The following GXYLT1 variants were observed in gnomAD, a reference collection of about 807,000 sequenced individuals.
The protein encoded by GXYLT1 is glucoside xylosyltransferase 1.
Under a neutral mutation model 54.0 loss-of-function variants are expected in GXYLT1, and 29 were observed. The observed-to-expected ratio is 0.54, with a 90% CI of 0.40 to 0.73. The LOEUF (loss-of-function observed/expected upper bound fraction) is 0.73. GXYLT1 is among the 30% of genes least tolerant of loss of function. The pLI, the probability that GXYLT1 is intolerant of heterozygous loss-of-function variation, is 0.00. For missense variants in GXYLT1, 490 were observed against 553.4 expected (o/e 0.89, Z 1.15); for synonymous variants, 176 against 204.1 (o/e 0.86, Z 1.17).
intron 5 of GXYLT1, among the ~76,000 whole-genome samples, chr12:42,098,784 T>TATATATATAAAA (rs1017764424): frequency 3.0e-5 from 4 of 134,416 alleles, no homozygotes; most frequent in African/African-American, 8.3e-5. Context: ...TATATATATA[T>TATATATATAAAA]AATACATGTG....
At chr12:42,129,903 A>G (rs1360590340) in intron 1 of GXYLT1, 52 bp from the exon 2 acceptor site, 1 of 1,153,760 alleles carries the variant, frequency 8.7e-7, no homozygotes, top group Non-Finnish European at 1.3e-6. Flanking sequence ...TTGGTTTGGA[A>G]CTAACAAGGA....
intron 1 of GXYLT1, among the ~76,000 whole-genome samples, chr12:42,133,222 G>A (rs1301765337): frequency 6.6e-6 from 1 of 152,080 alleles, no homozygotes; most frequent in African/African-American, 2.4e-5. Context: ...AGGTTTCAGT[G>A]AGCCAAGATC....
chr12:42,088,005 G>C lies in GXYLT1; in HGVS notation c.1162-58C>G, dbSNP rs1312796897. 3.9e-6 allele frequency: 3 copies of C among 776,306 alleles called. No homozygotes were observed. The South Asian group carries it at 6.9e-5, about 18-fold the overall frequency. The allele number at this position is 776,306 out of a possible 1,614,324, so 48.1% of individuals were successfully genotyped here. A position where few individuals can be genotyped will look rare whatever the true frequency, so the allele number is the denominator to read the frequency against. On this transcript the variant is annotated intron_variant, in intron 7 of 7. Transcript: ENST00000398675. Reference sequence around the variant, plus strand: ...TTAAAAGGCAAAGGTACATATGTAAGTTCAATTATTTTCCAAACTTCTTCA... The same window carrying C: ...TTAAAAGGCAAAGGTACATATGTAACTTCAATTATTTTCCAAACTTCTTCA...
chr12:42,139,185 G>A (rs2065638023), intron 1 of GXYLT1, among the ~76,000 whole-genome samples: 1 of 151,696 alleles, frequency 6.6e-6, no homozygotes, highest in African/African-American at 2.4e-5. Flanking sequence ...GTAACAGAGT[G>A]AAACCTTGTC....
chr12:42,114,549 C>G (rs573303875), intron 3 of GXYLT1, among the ~76,000 whole-genome samples: 2 of 152,030 alleles, frequency 1.3e-5, no homozygotes, highest in African/African-American at 4.8e-5. Flanking sequence ...ATAAATTCCT[C>G]GACACATACA....
intron 3 of GXYLT1, among the ~76,000 whole-genome samples, chr12:42,113,018 A>G (rs2065468637): frequency 6.6e-6 from 1 of 151,208 alleles, no homozygotes; most frequent in Non-Finnish European, 1.5e-5. Context: ...GGAATTTCAT[A>G]TCCAGCCAAA....
At chr12:42,105,028 A>G (rs1172760501) in intron 5 of GXYLT1, among the ~76,000 whole-genome samples, 1 of 152,214 alleles carries the variant, frequency 6.6e-6, no homozygotes, top group Non-Finnish European at 1.5e-5. Flanking sequence ...TATCTTATTC[A>G]GCTGAGAGAA....
intron 5 of GXYLT1, among the ~76,000 whole-genome samples, chr12:42,099,090 C>G (rs1258766964): frequency 6.6e-6 from 1 of 152,052 alleles, no homozygotes; most frequent in Admixed American, 6.6e-5. Context: ...GACTGCACTC[C>G]AAGAAAGAGA....
At chr12:42,118,611 T>C (rs1009679438) in intron 3 of GXYLT1, among the ~76,000 whole-genome samples, 2 of 152,204 alleles carry the variant, frequency 1.3e-5, no homozygotes, top group Admixed American at 6.5e-5. Flanking sequence ...TCAAATCTCA[T>C]CTCAAATTGT....
intron 3 of GXYLT1, among the ~76,000 whole-genome samples, chr12:42,115,176 A>G (rs916884407): frequency 6.6e-6 from 1 of 152,202 alleles, no homozygotes; most frequent in Non-Finnish European, 1.5e-5. Context: ...CTAATATCAT[A>G]CTGAATGGGC....
intron 3 of GXYLT1, among the ~76,000 whole-genome samples, chr12:42,116,078 C>T (rs371764543): frequency 0.029 from 4,424 of 151,816 alleles, 151 homozygotes; most frequent in East Asian, 0.089. Flanking sequence ...GCTAGCCATA[C>T]GTAGAAAGCT....
chr12:42,105,983 T>C lies in GXYLT1; in HGVS notation c.699A>G (p.Leu233=), dbSNP rs369073454. ...LRPVDDIWSL[L]KKFNSTQIAA... Reference sequence around the variant, plus strand: ...CAATTTGTGTGGAATTAAATTTCTTTAGTAAAGACCAAATATCATCAACTG... The same window carrying C: ...CAATTTGTGTGGAATTAAATTTCTTCAGTAAAGACCAAATATCATCAACTG... The change falls in exon 5 of 8, where the codon CTA becomes CTG. Residue 233 remains leucine (L), a synonymous_variant. Coordinates refer to ENST00000398675, the MANE Select transcript of GXYLT1 (RefSeq NM_173601.2). 44 of 1,613,766 alleles carry C rather than the reference T, an allele frequency of 2.7e-5. No homozygotes were observed. Among genetic ancestry groups the C allele is most frequent in the Non-Finnish European group, 3.6e-5 (42 of 1,179,772 alleles).
chr12:42,111,886 A>C (rs1015372622), intron 3 of GXYLT1, among the ~76,000 whole-genome samples: 1 of 152,182 alleles, frequency 6.6e-6, no homozygotes, highest in African/African-American at 2.4e-5. Context: ...GAGGCACCCC[A>C]CTGTAGGGGC....
At chr12:42,088,085 A>T (rs1277098024) in intron 7 of GXYLT1, 138 bp from the exon 8 acceptor site, 6 of 464,076 alleles carry the variant, frequency 1.3e-5, no homozygotes. Flanking sequence ...TAGATGTTTA[A>T]CAAATATTTT....
At chr12:42,113,014 T>G (rs2136898519) in intron 3 of GXYLT1, among the ~76,000 whole-genome samples, 1 of 151,276 alleles carries the variant, frequency 6.6e-6, no homozygotes, top group East Asian at 1.9e-4. Context: ...ACCCGGAATT[T>G]CATATCCAGC....
At chr12:42,104,752 C>G (rs569614332) in intron 5 of GXYLT1, among the ~76,000 whole-genome samples, 1 of 152,230 alleles carries the variant, frequency 6.6e-6, no homozygotes, top group South Asian at 2.1e-4. Context: ...AAACTCCATT[C>G]CACCAGATAC....
chr12:42,087,608 C>A lies in GXYLT1; in HGVS notation c.*178G>T. 1 of 523,282 alleles carries A rather than the reference C, an allele frequency of 1.9e-6. No homozygotes were observed. Among genetic ancestry groups the A allele is most frequent in the Non-Finnish European group, 3.3e-6 (1 of 300,632 alleles). The allele number at this position is 523,282 out of a possible 1,614,324, so 32.4% of individuals were successfully genotyped here. A position where few individuals can be genotyped will look rare whatever the true frequency, so the allele number is the denominator to read the frequency against. On this transcript the variant is annotated 3_prime_UTR_variant, in exon 8 of 8. Transcript: ENST00000398675. Reference sequence around the variant, plus strand: ...GATAAAAAATGTTCAATGTTGAGGCCCAAGATTTTAACTTATTCTTCATTA... The same window carrying A: ...GATAAAAAATGTTCAATGTTGAGGCACAAGATTTTAACTTATTCTTCATTA...
Position 42,144,422 on chromosome 12 carries a change from G to A in GXYLT1, c.221+4C>T, listed in dbSNP as rs1366881223. On this transcript the variant is annotated splice_donor_region_variant and intron_variant, in intron 1 of 7. Coordinates refer to ENST00000398675, the MANE Select transcript of GXYLT1 (RefSeq NM_173601.2). ...GCGTCCCCCACACCGGGAACTGCCC[G>A]TACCTGTCCGACACGCCGGGATGCG... is the stretch of plus-strand genomic sequence containing the variant. 1.5e-6 allele frequency: 2 copies of A among 1,295,048 alleles called. No homozygotes were observed. Among genetic ancestry groups the A allele is most frequent in the Admixed American group, 3.6e-5 (1 of 27,482 alleles). The allele number at this position is 1,295,048 out of a possible 1,614,324, so 80.2% of individuals were successfully genotyped here. A position where few individuals can be genotyped will look rare whatever the true frequency, so the allele number is the denominator to read the frequency against.
At chr12:42,112,548 G>A (rs559801708) in intron 3 of GXYLT1, among the ~76,000 whole-genome samples, 3 of 152,240 alleles carry the variant, frequency 2.0e-5, no homozygotes, top group African/African-American at 7.2e-5. Flanking sequence ...ATCAGTGATG[G>A]AAGACGAAAC....
Sources: allele counts gnomAD v4.1 joint callset (sites outside exome capture counted in the v4.1 genomes callset), GRCh38; gene constraint gnomAD v4.1.1; transcripts MANE v1.5; gene names NCBI Gene and HGNC (gene_info 2026-07-23, HGNC 2026-07-21).